The following RIMS2 variants were observed in gnomAD, a reference collection of about 807,000 sequenced individuals.
The protein encoded by RIMS2 is regulating synaptic membrane exocytosis protein 2.
A neutral mutation model predicts 174.4 loss-of-function variants in RIMS2; 59 were observed. That is an observed-to-expected ratio of 0.34 (90% CI 0.27 to 0.42). The LOEUF (loss-of-function observed/expected upper bound fraction) is 0.42, where lower values mean the gene tolerates loss of function less well. RIMS2 is among the 10% of genes least tolerant of loss of function. RIMS2 has a pLI of 1.00. For synonymous variants in RIMS2, 606 were observed against 572.5 expected (o/e 1.06, Z -0.84); for missense variants, 1,620 against 1,666.3 (o/e 0.97, Z 0.48).
chr8:104,034,356 G>A (rs898368444), intron 19 of RIMS2, among the ~76,000 whole-genome samples: 3 of 151,464 alleles, frequency 2.0e-5, no homozygotes, highest in African/African-American at 7.3e-5. Flanking sequence ...GATGAATTTT[G>A]AGTACTATGA....
chr8:103,519,193 A>T (rs1563616084), intron 1 of RIMS2, among the ~76,000 whole-genome samples: 1 of 152,166 alleles, frequency 6.6e-6, no homozygotes, highest in Non-Finnish European at 1.5e-5. Flanking sequence ...TATGTCATAT[A>T]TACTATATAT....
At chr8:103,692,254 A>G (rs2097037481) in intron 1 of RIMS2, among the ~76,000 whole-genome samples, 1 of 152,218 alleles carries the variant, frequency 6.6e-6, no homozygotes, top group African/African-American at 2.4e-5. Flanking sequence ...ACAATCAGCA[A>G]GTGCTAAAGC....
intron 19 of RIMS2, among the ~76,000 whole-genome samples, chr8:104,152,799 T>A (rs1566717026): frequency 6.6e-6 from 1 of 152,150 alleles, no homozygotes; most frequent in Non-Finnish European, 1.5e-5. Flanking sequence ...AAAGACTTGT[T>A]TAGTATTCTC....
intron 15 of RIMS2, among the ~76,000 whole-genome samples, chr8:103,967,827 C>G (rs1288003832): frequency 5.7e-5 from 8 of 139,608 alleles, no homozygotes; most frequent in Non-Finnish European, 1.6e-5. Flanking sequence ...TCAGCTTTGT[C>G]TAAAATTAGT....
At chr8:104,092,599 T>C (rs1013815862) in intron 19 of RIMS2, among the ~76,000 whole-genome samples, 1 of 151,692 alleles carries the variant, frequency 6.6e-6, no homozygotes, top group Non-Finnish European at 1.5e-5. Context: ...GATATTATTA[T>C]CCATTTTTTT....
chr8:103,739,733 A>T (rs2097736802), intron 2 of RIMS2, among the ~76,000 whole-genome samples: 1 of 152,196 alleles, frequency 6.6e-6, no homozygotes, highest in African/African-American at 2.4e-5. Flanking sequence ...TAGATATTGT[A>T]ACAATTATCT....
At chr8:103,936,465 G>A in intron 12 of RIMS2, 86 bp from the exon 15 acceptor site, 1 of 757,340 alleles carries the variant, frequency 1.3e-6, no homozygotes, top group Non-Finnish European at 2.0e-6. Context: ...CACCTGACTT[G>A]TCTCCTGAGA....
At chr8:103,790,775 C>G (rs1372797831) in intron 3 of RIMS2, among the ~76,000 whole-genome samples, 1 of 152,122 alleles carries the variant, frequency 6.6e-6, no homozygotes, top group Non-Finnish European at 1.5e-5. Context: ...GCCCTTTCTT[C>G]TTCACTAAGA....
intron 19 of RIMS2, among the ~76,000 whole-genome samples, chr8:104,143,008 A>G (rs1185476111): frequency 6.6e-6 from 1 of 152,216 alleles, no homozygotes; most frequent in Non-Finnish European, 1.5e-5. Context: ...AGAGGTTTTC[A>G]TTTAACTTAA....
rs536865822 is a variant in RIMS2 at position 104,118,818 on chromosome 8, T to A, written c.3334+104203T>A. ...TCTGGTGAAAGCACTCTTCCTAGTTTGCAGATGGCTGTCTTTTCGTTGTGT... is the reference window on the plus strand; with the variant it reads ...TCTGGTGAAAGCACTCTTCCTAGTTAGCAGATGGCTGTCTTTTCGTTGTGT... On this transcript the variant is annotated intron_variant, in intron 19 of 23. Transcript: ENST00000504942. 3.9e-5 allele frequency among the ~76,000 whole-genome samples: 6 copies of A among 152,312 alleles called. 1 individual carries two copies. The highest frequency in any genetic ancestry group is 4.1e-4 in the South Asian group (2 of 4,830).
intron 3 of RIMS2, among the ~76,000 whole-genome samples, chr8:103,797,893 A>G (rs1183329370): frequency 6.6e-6 from 1 of 152,130 alleles, no homozygotes; most frequent in African/African-American, 2.4e-5. Context: ...TTATATTGGC[A>G]TAATTATTAA....
intron 1 of RIMS2, among the ~76,000 whole-genome samples, chr8:103,679,969 C>T (rs28693917): frequency 0.18 from 26,696 of 151,898 alleles, 2,553 homozygotes; most frequent in African/African-American, 0.23. Flanking sequence ...GTTGCCTTTG[C>T]ATCGCAGTGG....
chr8:104,071,349 A>G (rs1423029160), intron 19 of RIMS2, among the ~76,000 whole-genome samples: 1 of 152,222 alleles, frequency 6.6e-6, no homozygotes, highest in Non-Finnish European at 1.5e-5. Context: ...CAACATCAGC[A>G]TCACTTGGAG....
At position 104,153,892 on chromosome 8, in the gene RIMS2, A is replaced by G. The variant is rs116227129; in HGVS notation, c.3335-91024A>G. Among the ~76,000 whole-genome samples, 1,316 of 152,340 alleles carry G rather than the reference A, an allele frequency of 8.6e-3. 21 individuals carry two copies. Among genetic ancestry groups the G allele is most frequent in the African/African-American group, 0.03 (1,266 of 41,582 alleles). On this transcript the variant is annotated intron_variant, in intron 19 of 23. Transcript: ENST00000504942. ...GTCAGGGACTCTGACAGGTCAAGTAAGATGAAGACTGATAATTTACCATTG... is the reference window on the plus strand; with the variant it reads ...GTCAGGGACTCTGACAGGTCAAGTAGGATGAAGACTGATAATTTACCATTG...
At chr8:103,903,300 CTCTT>C (rs901775532) in intron 4 of RIMS2, among the ~76,000 whole-genome samples, 12 of 152,034 alleles carry the variant, frequency 7.9e-5, no homozygotes, top group Non-Finnish European at 1.3e-4. Flanking sequence ...AACTATAAAA[CTCTT>C]TCTGTTACAA....
At chr8:103,791,803 A>C (rs973215088) in intron 3 of RIMS2, among the ~76,000 whole-genome samples, 4 of 152,228 alleles carry the variant, frequency 2.6e-5, no homozygotes, top group Admixed American at 1.3e-4. Flanking sequence ...TTAAACCAAC[A>C]AAGATCAAAA....
At chr8:103,654,029 A>G (rs1300679835) in intron 1 of RIMS2, among the ~76,000 whole-genome samples, 1 of 152,076 alleles carries the variant, frequency 6.6e-6, no homozygotes, top group Non-Finnish European at 1.5e-5. Context: ...TTTTCTAACT[A>G]GCAAGCATTA....
intron 1 of RIMS2, among the ~76,000 whole-genome samples, chr8:103,666,594 C>T (rs1222136367): frequency 2.6e-5 from 4 of 152,036 alleles, no homozygotes; most frequent in Non-Finnish European, 5.9e-5. Flanking sequence ...GTCCTGTTTT[C>T]AAGAGAGAAA....
At chr8:104,042,659 A>C (rs1325037232) in intron 19 of RIMS2, among the ~76,000 whole-genome samples, 2 of 151,678 alleles carry the variant, frequency 1.3e-5, no homozygotes, top group African/African-American at 4.8e-5. Flanking sequence ...ACATTTTATC[A>C]GGATAGAGAA....
Sources: gnomAD v4.1 joint callset for allele counts (sites outside exome capture counted in the v4.1 genomes callset) on GRCh38, gnomAD v4.1.1 for gene constraint, MANE v1.5 for transcripts, NCBI Gene and HGNC (gene_info 2026-07-23, HGNC 2026-07-21) for gene names.